Variants in TOPORS observed in about 807,000 individuals in gnomAD.
The protein encoded by TOPORS is TOP1 binding arginine/serine rich protein, E3 ubiquitin ligase, also known as E3 ubiquitin-protein ligase Topors.
Under a neutral mutation model 81.4 loss-of-function variants are expected in TOPORS, and 25 were observed. The ratio of observed to expected loss-of-function variants is 0.31; its 90% CI spans 0.22 to 0.43. The LOEUF (loss-of-function observed/expected upper bound fraction) is 0.43. Among genes scored for constraint, TOPORS ranks in the 20% least tolerant of loss-of-function variants. TOPORS has a pLI of 1.00. For missense variants in TOPORS, 1,101 were observed against 1,267.0 expected (o/e 0.87, Z 1.99); for synonymous variants, 473 against 456.6 (o/e 1.04, Z -0.46).
At position 32,543,702 on chromosome 9, in the gene TOPORS, C is replaced by G. The variant is rs1017794910; in HGVS notation, c.823G>C (p.Gly275Arg). The change falls in exon 3 of 3, where the codon GGT becomes CGT. Residue 275 changes from glycine to arginine, a missense_variant. By Grantham distance (125) the Gly-to-Arg change is moderately radical. This residue lies in a region of TOPORS where 69 missense variants were observed against 153.6 expected (regional missense o/e 0.45). Coordinates refer to ENST00000360538, the MANE Select transcript of TOPORS (RefSeq NM_005802.5). The surrounding 1 kb of genome is among the most constrained non-coding windows in gnomAD (Gnocchi z 5.6). The part of the protein sequence containing the change: ...AGARVRNIED[G>R]GRYRDISAEF... Reference sequence around the variant, plus strand: ...GCTGAAATATCCCTGTAGCGGCCACCATCTTCAATATTTCTAACTCGAGCA... The same window carrying G: ...GCTGAAATATCCCTGTAGCGGCCACGATCTTCAATATTTCTAACTCGAGCA... 1.2e-6 allele frequency: 2 copies of G among 1,613,028 alleles called. No individual in the cohort carries two copies. Among genetic ancestry groups the G allele is most frequent in the Non-Finnish European group, 1.7e-6 (2 of 1,179,640 alleles).
At chr9:32,552,357 T>G (rs1265217100) in intron 1 of TOPORS, 77 bp downstream of exon 1, 2 of 1,575,484 alleles carry the variant, frequency 1.3e-6, no homozygotes, top group Non-Finnish European at 1.7e-6. Flanking sequence ...TGCTGGCGCC[T>G]GGCAGCCACC....
At position 32,551,185 on chromosome 9, in the gene TOPORS, C is replaced by T. The variant is rs1821248711; in HGVS notation, c.4-217G>A. 4.8e-5 allele frequency: 30 copies of T among 626,996 alleles called. No homozygotes were observed. In the South Asian group the frequency reaches 5.3e-4, roughly 11 times the overall value. 38.8% of individuals were successfully genotyped at this position (626,996 alleles called of 1,614,324 possible). A position where few individuals can be genotyped will look rare whatever the true frequency, so the allele number is the denominator to read the frequency against. ...CCGGAGGAGGGCAGCGCGACCCTCC[C>T]CATCTTGTTACTGGTACTCAGCCAC... On this transcript the variant is annotated intron_variant, in intron 1 of 2. Transcript: ENST00000360538.
At position 32,542,766 on chromosome 9, in the gene TOPORS, A is replaced by G. The variant is rs773060264; in HGVS notation, c.1759T>C (p.Tyr587His). 1.2e-6 allele frequency: 2 copies of G among 1,613,926 alleles called. No homozygotes were observed. Among genetic ancestry groups the G allele is most frequent in the Middle Eastern group, 1.6e-4 (1 of 6,084 alleles). The change falls in exon 3 of 3, where the codon TAT (tyrosine) becomes CAT (histidine). Residue 587 changes from tyrosine (Y) to histidine (H), a missense_variant. Coordinates refer to ENST00000360538, the MANE Select transcript of TOPORS (RefSeq NM_005802.5). Reference sequence around the variant, plus strand: ...CCCCTCTTTCTGTGTCTATGGTTATATGGAGAATATACTCTGTCTCCTCTT... The same window carrying G: ...CCCCTCTTTCTGTGTCTATGGTTATGTGGAGAATATACTCTGTCTCCTCTT... ...SVRGDRVYSP[Y>H]NHRHRKRGRS...
In TOPORS at chr9:32,542,750, C is replaced by G. The variant is rs761709815; in HGVS notation, c.1775G>C (p.Arg592Thr). The G allele has an allele frequency of 1.2e-6, 2 of 1,614,028 alleles. No homozygotes were observed. Among genetic ancestry groups the G allele is most frequent in the South Asian group, 2.2e-5 (2 of 91,084 alleles). ...TGAACTTCTTGATCTTCCCCTCTTT[C>G]TGTGTCTATGGTTATATGGAGAATA... Reference protein sequence around the residue: ...RVYSPYNHRHRKRGRSRSSDS... With the variant: ...RVYSPYNHRHTKRGRSRSSDS... Residue 592 changes from arginine to threonine, a missense_variant, in exon 3 of 3, where the codon AGA becomes ACA. Physicochemically the swap from Arg to Thr is moderately conservative, Grantham distance 71 (BLOSUM62 -1). Transcript: ENST00000360538.
rs776112643 is a variant in TOPORS, at chr9:32,541,844, T to G, written c.2681A>C (p.Lys894Thr). 4.3e-6 allele frequency: 7 copies of G among 1,614,048 alleles called. No homozygotes were observed. Among genetic ancestry groups the G allele is most frequent in the African/African-American group, 1.3e-5 (1 of 74,920 alleles). ...TGAAGCATTATCTCCATGGTGTTTC[T>G]TATGCTTCTTCTTATGTTTCTTCTT... The part of the protein sequence containing the change: ...KKKKKHKKKH[K>T]KHHGDNASRS... The change falls in exon 3 of 3, where the codon AAG becomes ACG. Residue 894 changes from lysine (K) to threonine (T), a missense_variant. Physicochemically the swap from Lys to Thr is moderately conservative, Grantham distance 78 (BLOSUM62 -1). Transcript: ENST00000360538.
chr9:32,543,330 C>A lies in TOPORS; in HGVS notation c.1195G>T (p.Ala399Ser), dbSNP rs1235147449. Residue 399 changes from alanine to serine, a missense_variant, in exon 3 of 3, where the codon GCT becomes TCT. Ala to Ser is a moderately conservative substitution (Grantham distance 99). Coordinates refer to ENST00000360538, the MANE Select transcript of TOPORS (RefSeq NM_005802.5). The surrounding 1 kb of genome is among the most constrained non-coding windows in gnomAD (Gnocchi z 5.6). ...SSVITISPDEAETQELDINVA... is the reference protein window; with the variant it reads ...SSVITISPDESETQELDINVA... The stretch of plus-strand genomic sequence containing the variant: ...TTAATATCCAGCTCTTGGGTCTCAG[C>A]CTCATCTGGAGATATTGTTATGACT... 2.5e-6 allele frequency: 4 copies of A among 1,613,968 alleles called. No homozygotes were observed. The Admixed American group carries it at 5.0e-5, about 20-fold the overall frequency.
rs1374436734 is a variant in TOPORS at position 32,542,042 on chromosome 9, G to A, written c.2483C>T (p.Ser828Phe). 6.2e-7 allele frequency: 1 copy of A among 1,614,060 alleles called. No individual in the cohort carries two copies. Among genetic ancestry groups the A allele is most frequent in the East Asian group, 2.2e-5 (1 of 44,858 alleles). ...SKAKDSHYQK[S>F]SSKLDGNYKN... is the part of the protein sequence containing the mutation. ...GTAGTTTCCATCCAATTTTGATGAA[G>A]ATTTTTGGTAATGACTGTCCTTTGC... is the stretch of plus-strand genomic sequence containing the variant. Residue 828 changes from serine (S) to phenylalanine (F), a missense_variant, in exon 3 of 3, where the codon TCT becomes TTT. Coordinates refer to ENST00000360538, the MANE Select transcript of TOPORS (RefSeq NM_005802.5).
At chr9:32,551,221 G>A (rs1821250786) in intron 1 of TOPORS, 2 of 596,020 alleles carry the variant, frequency 3.4e-6, no homozygotes, top group East Asian at 2.8e-5. Flanking sequence ...TGGGGACACT[G>A]ACTGAATGTT....
intron 1 of TOPORS, 51 bp downstream of exon 1, chr9:32,552,383 G>C (rs1821305741): frequency 5.0e-6 from 8 of 1,604,842 alleles, no homozygotes; most frequent in Non-Finnish European, 6.8e-6. Context: ...GGAGGTTACT[G>C]TAAGGCCCGC....
At chr9:32,552,174 C>CA (rs35415231) in intron 1 of TOPORS, 10,053 of 494,480 alleles carry the variant, frequency 0.02, 221 homozygotes, top group African/African-American at 0.11. Context: ...CCTTAGTTGG[C>CA]AAAAAAAAAA....
chr9:32,543,251 T>C lies in TOPORS; in HGVS notation c.1274A>G (p.Tyr425Cys). Reference sequence around the variant, plus strand: ...AACGTGTACCTGCTCTGAGCTTGAGTAAGATGGTCCTGGAGTTTCATCATC... The same window carrying C: ...AACGTGTACCTGCTCTGAGCTTGAGCAAGATGGTCCTGGAGTTTCATCATC... ...PWDDETPGPS[Y>C]SSSEQVHVTM... Residue 425 changes from tyrosine (Y) to cysteine (C), a missense_variant, in exon 3 of 3, where the codon TAC (tyrosine) becomes TGC (cysteine). Tyr to Cys is a radical substitution (Grantham distance 194). Around this residue, in one of 9 missense-constraint regions of TOPORS, gnomAD observed 103 missense variants for 112.1 expected, o/e 0.92. Coordinates refer to ENST00000360538, the MANE Select transcript of TOPORS (RefSeq NM_005802.5). This position sits in a 1 kb window ranked among gnomAD's most constrained non-coding sequence, Gnocchi z 5.6. 6.2e-7 allele frequency: 1 copy of C among 1,613,742 alleles called. No individual in the cohort carries two copies. Among genetic ancestry groups the C allele is most frequent in the Non-Finnish European group, 8.5e-7 (1 of 1,180,034 alleles).
intron 2 of TOPORS, among the ~76,000 whole-genome samples, chr9:32,549,762 A>G (rs567084690): frequency 6.6e-6 from 1 of 152,316 alleles, no homozygotes; most frequent in East Asian, 1.9e-4. Context: ...CGAATAGATG[A>G]AATAGAAAGA....
chr9:32,549,302 G>C (rs779070275), intron 2 of TOPORS, among the ~76,000 whole-genome samples: 1 of 151,884 alleles, frequency 6.6e-6, no homozygotes, highest in Non-Finnish European at 1.5e-5. Context: ...GCAAGACTCC[G>C]TCTCAAAAAA....
intron 2 of TOPORS, among the ~76,000 whole-genome samples, chr9:32,545,495 C>T (rs886109340): frequency 1.3e-5 from 2 of 151,614 alleles, no homozygotes; most frequent in African/African-American, 4.9e-5. Flanking sequence ...GGCGCGGTGG[C>T]TCATGCCTGT....
intron 2 of TOPORS, among the ~76,000 whole-genome samples, chr9:32,547,585 GA>G (rs965240404): frequency 2.3e-4 from 34 of 149,816 alleles, no homozygotes; most frequent in African/African-American, 4.4e-4. Context: ...CTAAATGAAT[GA>G]AAAAAAAAAT....
At chr9:32,551,027 C>T (rs1331627968) in intron 1 of TOPORS, 59 bp from the exon 2 acceptor site, 1 of 1,573,794 alleles carries the variant, frequency 6.4e-7, no homozygotes, top group East Asian at 2.2e-5. Context: ...AGAGCGAGAC[C>T]CACCCCCCAG....
Position 32,541,753 on chromosome 9 carries a change from T to A in TOPORS, c.2772A>T (p.Thr924=). ...CTTGAGGACCACTATTGTCACATTC[T>A]GTATCCTCCTTTACTTCAGAATCCT... ...SDKDSEVKED[T]ECDNSGPQDP... is the part of the protein sequence containing the mutation. Residue 924 remains threonine, a synonymous_variant, in exon 3 of 3, where the codon ACA becomes ACT. Coordinates refer to ENST00000360538, the MANE Select transcript of TOPORS (RefSeq NM_005802.5). 1 of 1,614,236 alleles carries A rather than the reference T, an allele frequency of 6.2e-7. No individual in the cohort carries two copies. Among genetic ancestry groups the A allele is most frequent in the Non-Finnish European group, 8.5e-7 (1 of 1,180,034 alleles).
At position 32,543,843 on chromosome 9, in the gene TOPORS, G is replaced by C. The variant is rs1821106935; in HGVS notation, c.682C>G (p.Pro228Ala). ...ISTRPRDVEI[P>A]QFMRQIAVRR... ...ACTGCAATCTGTCTCATAAACTGAG[G>C]AATTTCAACATCTCTAGGTCTTGTT... The change falls in exon 3 of 3, where the codon CCT (proline) becomes GCT (alanine). Residue 228 changes from proline to alanine, a missense_variant. This residue lies in a region of TOPORS where 120 missense variants were observed against 115.4 expected (regional missense o/e 1.04). Coordinates refer to ENST00000360538, the MANE Select transcript of TOPORS (RefSeq NM_005802.5). This position sits in a 1 kb window ranked among gnomAD's most constrained non-coding sequence, Gnocchi z 5.6. 5 of 1,614,088 alleles carry C rather than the reference G, an allele frequency of 3.1e-6. No homozygotes were observed. Among genetic ancestry groups the C allele is most frequent in the Non-Finnish European group, 4.2e-6 (5 of 1,180,012 alleles).
At chr9:32,549,518 G>A (rs1256890447) in intron 2 of TOPORS, among the ~76,000 whole-genome samples, 1 of 152,122 alleles carries the variant, frequency 6.6e-6, no homozygotes, top group South Asian at 2.1e-4. Context: ...TTGAAAAGGT[G>A]GTTGTGTGAC....
Sources: allele counts gnomAD v4.1 joint callset (sites outside exome capture counted in the v4.1 genomes callset), GRCh38; gene constraint gnomAD v4.1.1; regional missense constraint gnomAD v4.1.1; non-coding constraint Gnocchi (gnomAD v3.1); transcripts MANE v1.5; gene names NCBI Gene and HGNC (gene_info 2026-07-23, HGNC 2026-07-21).